STAB2: variants seen among roughly 807,000 people sequenced by gnomAD.
STAB2 encodes the protein stabilin 2.
In STAB2, 288 loss-of-function variants were observed where a neutral mutation model predicts 338.1. The ratio of observed to expected loss-of-function variants is 0.85; its 90% CI spans 0.77 to 0.94. The LOEUF (loss-of-function observed/expected upper bound fraction) is 0.94, where lower values mean the gene tolerates loss of function less well. STAB2 is among the 40% of genes least tolerant of loss of function. STAB2 has a pLI of 0.00. For synonymous variants in STAB2, 1,202 were observed against 1,193.3 expected (o/e 1.01, Z -0.15); for missense variants, 3,141 against 3,210.1 (o/e 0.98, Z 0.52).
chr12:103,670,604 T>C, intron 21 of STAB2, 92 bp from the exon 22 acceptor site: 1 of 984,102 alleles, frequency 1.0e-6, no homozygotes, highest in Non-Finnish European at 1.6e-6. Flanking sequence ...TCAAGTGGGA[T>C]TTAATCTGAA....
chr12:103,764,840 G>A (rs1163833602), intron 68 of STAB2, among the ~76,000 whole-genome samples: 2 of 152,054 alleles, frequency 1.3e-5, no homozygotes, highest in Non-Finnish European at 1.5e-5. Context: ...GCTCATGCGT[G>A]TAATCCCAGC....
intron 22 of STAB2, 64 bp downstream of exon 22, chr12:103,670,871 G>A (rs1457411551): frequency 7.3e-7 from 1 of 1,361,750 alleles, no homozygotes; most frequent in Non-Finnish European, 1.0e-6. Context: ...GCTGCAGCAG[G>A]GTGCTGGTGC....
At chr12:103,588,790 C>A (rs7312553) in intron 1 of STAB2, among the ~76,000 whole-genome samples, 63,705 of 151,746 alleles carry the variant, frequency 0.42, 16,783 homozygotes, top group African/African-American at 0.75. Flanking sequence ...AGCTTGCTTT[C>A]AAAAAAAATG....
chr12:103,715,829 T>G lies in STAB2; in HGVS notation c.4552T>G (p.Leu1518Val), dbSNP rs1880264110. Residue 1518 changes from leucine to valine, a missense_variant, in exon 43 of 69, where the codon TTG becomes GTG. Coordinates refer to ENST00000388887, the MANE Select transcript of STAB2 (RefSeq NM_017564.10). ...TTGTTTTAAAGAAATCAACCCGTGTTTGGAGAACCATGGTGGCTGTGACAA... is the reference window on the plus strand; with the variant it reads ...TTGTTTTAAAGAAATCAACCCGTGTGTGGAGAACCATGGTGGCTGTGACAA... The part of the protein sequence containing the change: ...GIVCLEINPC[L>V]ENHGGCDKNA... 1 of 1,613,950 alleles carries G rather than the reference T, an allele frequency of 6.2e-7. No homozygotes were observed. The highest frequency in any genetic ancestry group is 1.1e-5 in the South Asian group (1 of 91,076).
chr12:103,728,776 CAGG>C, intron 47 of STAB2, 70 bp from the exon 48 acceptor site: 2 of 1,583,780 alleles, frequency 1.3e-6, no homozygotes, highest in Non-Finnish European at 1.7e-6. Context: ...GAATGGAGGA[CAGG>C]AGAGCCAAAT....
intron 41 of STAB2, among the ~76,000 whole-genome samples, chr12:103,713,366 T>C (rs890263344): frequency 6.6e-6 from 1 of 152,162 alleles, no homozygotes; most frequent in Admixed American, 6.6e-5. Flanking sequence ...TTCTAGACCA[T>C]CTTACCCTGG....
Position 103,758,019 on chromosome 12 carries a change from C to T in STAB2, c.6988-151C>T, listed in dbSNP as rs147446641. 5.5e-5 allele frequency: 63 copies of T among 1,136,032 alleles called. No individual in the cohort carries two copies. The African/African-American group carries it at 7.7e-4, about 14-fold the overall frequency. The allele number at this position is 1,136,032 out of a possible 1,614,324, so 70.4% of individuals were successfully genotyped here. ...GAAAAGTCCTCAAACTCTCCCACGG[C>T]GCAGGCAGAAGACACAGCAAAGGAG... is the stretch of plus-strand genomic sequence containing the variant. On this transcript the variant is annotated intron_variant, in intron 63 of 68. Coordinates refer to ENST00000388887, the MANE Select transcript of STAB2 (RefSeq NM_017564.10).
At chr12:103,694,854 A>G (rs1878260201) in intron 31 of STAB2, among the ~76,000 whole-genome samples, 1 of 152,128 alleles carries the variant, frequency 6.6e-6, no homozygotes, top group African/African-American at 2.4e-5. Flanking sequence ...TGCAAACTCA[A>G]ATGCCCAGAT....
chr12:103,747,231 G>A (rs998609900), intron 58 of STAB2, among the ~76,000 whole-genome samples: 35 of 152,046 alleles, frequency 2.3e-4, no homozygotes, highest in African/African-American at 8.5e-4. Flanking sequence ...CTCACCACTA[G>A]GTGAGAACCA....
intron 1 of STAB2, among the ~76,000 whole-genome samples, chr12:103,590,067 TGAA>T (rs1956772697): frequency 6.6e-6 from 1 of 151,940 alleles, no homozygotes; most frequent in Admixed American, 6.6e-5. Context: ...GATGAGGAAA[TGAA>T]GAAAAGTTGA....
intron 44 of STAB2, among the ~76,000 whole-genome samples, chr12:103,718,775 C>T (rs1458877125): frequency 1.3e-5 from 2 of 152,138 alleles, no homozygotes; most frequent in East Asian, 3.9e-4. Context: ...GGTTATCAAC[C>T]CAGACAGCCA....
At chr12:103,656,664 C>CA (rs1355986129) in intron 15 of STAB2, among the ~76,000 whole-genome samples, 1 of 147,738 alleles carries the variant, frequency 6.8e-6, no homozygotes, top group African/African-American at 2.5e-5. Context: ...ATCTTGCTGT[C>CA]AAAAAACTTA....
At chr12:103,763,083 G>A (rs146162730) in intron 67 of STAB2, among the ~76,000 whole-genome samples, 64 of 152,342 alleles carry the variant, frequency 4.2e-4, no homozygotes, top group African/African-American at 1.5e-3. Flanking sequence ...AAGCTCCAGG[G>A]AAAATCTCAA....
chr12:103,712,250 T>C (rs1879928835), intron 40 of STAB2, 117 bp from the exon 41 acceptor site: 2 of 810,048 alleles, frequency 2.5e-6, no homozygotes, highest in Non-Finnish European at 4.4e-6. Context: ...TAGGCAGGAC[T>C]TATGAGTGTC....
intron 10 of STAB2, among the ~76,000 whole-genome samples, chr12:103,649,568 G>A (rs1873585272): frequency 6.6e-6 from 1 of 152,124 alleles, no homozygotes; most frequent in South Asian, 2.1e-4. Flanking sequence ...CTTTTATGTT[G>A]GAATTTACCA....
intron 68 of STAB2, among the ~76,000 whole-genome samples, chr12:103,764,436 C>CT (rs1884768167): frequency 6.6e-6 from 1 of 152,156 alleles, no homozygotes; most frequent in Admixed American, 6.5e-5. Flanking sequence ...GTCAGTGATG[C>CT]TTTAGCTTAG....
intron 27 of STAB2, among the ~76,000 whole-genome samples, chr12:103,686,977 G>T (rs1167715837): frequency 6.6e-6 from 1 of 152,034 alleles, no homozygotes; most frequent in Non-Finnish European, 1.5e-5. Context: ...CTCTGCTCTT[G>T]TGTTTATTCA....
chr12:103,677,923 T>C (rs1876538043), intron 25 of STAB2, among the ~76,000 whole-genome samples: 1 of 152,208 alleles, frequency 6.6e-6, no homozygotes, highest in Non-Finnish European at 1.5e-5. Context: ...CTTATATTTC[T>C]ATAGCTCTGC....
At chr12:103,601,330 G>C (rs769282234) in intron 3 of STAB2, among the ~76,000 whole-genome samples, 1 of 152,308 alleles carries the variant, frequency 6.6e-6, no homozygotes, top group Non-Finnish European at 1.5e-5. Flanking sequence ...GGTGGCTTGC[G>C]CCAGTAATCC....
Sources: allele counts gnomAD v4.1 joint callset (sites outside exome capture counted in the v4.1 genomes callset), GRCh38; gene constraint gnomAD v4.1.1; transcripts MANE v1.5; gene names NCBI Gene and HGNC (gene_info 2026-07-23, HGNC 2026-07-21).